Variants in MPHOSPH9 observed in about 807,000 individuals in gnomAD.
MPHOSPH9 encodes the protein M-phase phosphoprotein 9.
A neutral mutation model predicts 145.5 loss-of-function variants in MPHOSPH9; 88 were observed. The observed-to-expected ratio is 0.60, with a 90% CI of 0.51 to 0.72. The LOEUF is 0.72. Ranked by LOEUF, MPHOSPH9 falls within the 30% of genes least tolerant of loss-of-function variation. The pLI is 0.00. For synonymous variants in MPHOSPH9, 435 were observed against 486.2 expected, an observed-to-expected ratio of 0.89 and a Z score of 1.39; for missense variants, 1,238 against 1,386.6, an observed-to-expected ratio of 0.89 and a Z score of 1.70.
In MPHOSPH9 at chr12:123,155,029, CAT is replaced by C. The variant is rs1204562994; in HGVS notation, c.*1776_*1777del. 2.0e-5 allele frequency: 3 copies of C among 149,766 alleles called. No homozygotes were observed. The highest frequency in any genetic ancestry group is 3.0e-5 in the Non-Finnish European group (2 of 67,576). The allele number at this position is 149,766 out of a possible 1,614,324, so 9.3% of individuals were successfully genotyped here. A position where few individuals can be genotyped will look rare whatever the true frequency, so the allele number is the denominator to read the frequency against. On this transcript the variant is annotated 3_prime_UTR_variant, in exon 24 of 24. Transcript: ENST00000606320. ...AAAGATATATACATACACACACACA[CAT>C]AGACATATACACACACACAAAATTA...
intron 9 of MPHOSPH9, 26 bp from the exon 10 acceptor site, chr12:123,203,110 T>C (rs2076387118): frequency 6.2e-7 from 1 of 1,600,518 alleles, no homozygotes; most frequent in Non-Finnish European, 8.5e-7. Flanking sequence ...CAACGAAGTC[T>C]TACCCTCAGA....
chr12:123,231,512 T>C (rs568263878), intron 1 of MPHOSPH9, among the ~76,000 whole-genome samples: 1 of 152,118 alleles, frequency 6.6e-6, no homozygotes, highest in South Asian at 2.1e-4. Context: ...TTTGTCTCTG[T>C]GCAGCTATTC....
At chr12:123,219,886 C>T (rs568783843) in intron 5 of MPHOSPH9, among the ~76,000 whole-genome samples, 1 of 152,032 alleles carries the variant, frequency 6.6e-6, no homozygotes, top group Non-Finnish European at 1.5e-5. Flanking sequence ...TCTTCTTATA[C>T]ATAAAAAACA....
At chr12:123,164,427 G>A (rs941549408) in intron 18 of MPHOSPH9, among the ~76,000 whole-genome samples, 2 of 152,168 alleles carry the variant, frequency 1.3e-5, no homozygotes, top group African/African-American at 2.4e-5. Flanking sequence ...CACTGCTTGG[G>A]AGATGTAACC....
At chr12:123,199,553 G>A (rs1261684363) in intron 11 of MPHOSPH9, among the ~76,000 whole-genome samples, 5 of 152,028 alleles carry the variant, frequency 3.3e-5, no homozygotes, top group African/African-American at 9.7e-5. Flanking sequence ...GGCCGAGGCC[G>A]GTGGATCACA....
intron 8 of MPHOSPH9, among the ~76,000 whole-genome samples, chr12:123,204,255 T>C (rs1024035746): frequency 6.6e-6 from 1 of 151,150 alleles, no homozygotes; most frequent in Non-Finnish European, 1.5e-5. Flanking sequence ...TGAGCCGAGA[T>C]TGCGCCATTG....
In MPHOSPH9 at chr12:123,156,208, A is replaced by C. The variant is rs2043860050; in HGVS notation, c.*599T>G. The C allele has an allele frequency of 6.6e-6, 1 of 152,222 alleles. No homozygotes were observed. The highest frequency in any genetic ancestry group is 2.4e-5 in the African/African-American group (1 of 41,438). The allele number at this position is 152,222 out of a possible 1,614,324, so 9.4% of individuals were successfully genotyped here. A position where few individuals can be genotyped will look rare whatever the true frequency, so the allele number is the denominator to read the frequency against. On this transcript the variant is annotated 3_prime_UTR_variant, in exon 24 of 24. Coordinates refer to ENST00000606320, the MANE Select transcript of MPHOSPH9 (RefSeq NM_022782.4). ...TCTCTTTTTTCTCTTACAGACAATA[A>C]AGTTTAAAGAAAATGAGTTATATTC...
At chr12:123,193,179 G>A (rs1270550994) in intron 13 of MPHOSPH9, among the ~76,000 whole-genome samples, 2 of 149,678 alleles carry the variant, frequency 1.3e-5, no homozygotes, top group Non-Finnish European at 2.9e-5. Flanking sequence ...CAGGAGAAGT[G>A]TCTGTGTTGC....
chr12:123,197,043 T>G (rs899367224), intron 12 of MPHOSPH9, among the ~76,000 whole-genome samples: 13 of 146,706 alleles, frequency 8.9e-5, no homozygotes, highest in African/African-American at 3.2e-4. Flanking sequence ...TTTTTTTTTT[T>G]TTTTTTTTTT....
At chr12:123,194,274 A>C in intron 13 of MPHOSPH9, 112 bp downstream of exon 13, 1 of 738,668 alleles carries the variant, frequency 1.4e-6, no homozygotes. Flanking sequence ...GTCTCAAAAT[A>C]AATCAATAAA....
rs768458797 is a variant in MPHOSPH9 at position 123,161,309 on chromosome 12, C to T, written c.3208G>A (p.Val1070Met). 7 of 1,613,982 alleles carry T rather than the reference C, an allele frequency of 4.3e-6. No individual in the cohort carries two copies. The African/African-American group carries it at 8.0e-5, about 18-fold the overall frequency. The change falls in exon 22 of 24, where the codon GTG (valine) becomes ATG (methionine). Residue 1070 changes from valine to methionine, a missense_variant. Val to Met is a conservative substitution (Grantham distance 21). Transcript: ENST00000606320. ...SSCPEPVPNGVKKVSVRTAWE... is the reference protein window; with the variant it reads ...SSCPEPVPNGMKKVSVRTAWE... ...GCTGTTCTCACAGATACTTTCTTCACTCCATTTGGCACCGGTTCAGGGCAA... is the reference window on the plus strand; with the variant it reads ...GCTGTTCTCACAGATACTTTCTTCATTCCATTTGGCACCGGTTCAGGGCAA...
Position 123,156,838 on chromosome 12 carries a change from A to T in MPHOSPH9, c.3521T>A (p.Phe1174Tyr). The change falls in exon 24 of 24, where the codon TTC (phenylalanine) becomes TAC (tyrosine). Residue 1174 changes from phenylalanine to tyrosine, a missense_variant. Transcript: ENST00000606320. Reference protein sequence around the residue: ...LGSVRMTLKKFHVLRTSANL With the variant: ...LGSVRMTLKKYHVLRTSANL ...ATTTGCAGAGGTGCGCAAAACATGG[A>T]ATTTCTTTAGCGTCATGCGAACTGA... 6.2e-7 allele frequency: 1 copy of T among 1,612,292 alleles called. No individual in the cohort carries two copies. The highest frequency in any genetic ancestry group is 8.5e-7 in the Non-Finnish European group (1 of 1,178,594).
At chr12:123,224,130 A>ATTTT (rs1156810609) in intron 3 of MPHOSPH9, among the ~76,000 whole-genome samples, 2 of 81,036 alleles carry the variant, frequency 2.5e-5, no homozygotes, top group African/African-American at 8.1e-5. Context: ...ATATATACAC[A>ATTTT]TTTTTTTTTT....
At chr12:123,207,613 G>A (rs904543566) in intron 8 of MPHOSPH9, among the ~76,000 whole-genome samples, 1 of 152,072 alleles carries the variant, frequency 6.6e-6, no homozygotes, top group Non-Finnish European at 1.5e-5. Context: ...CAGCACTTTG[G>A]GAGGCCAAGG....
In MPHOSPH9 at chr12:123,227,463, C is replaced by A; in HGVS notation, c.258G>T (p.Glu86Asp). 1 of 1,478,846 alleles carries A rather than the reference C, an allele frequency of 6.8e-7. No homozygotes were observed. 91.6% of individuals were successfully genotyped at this position (1,478,846 alleles called of 1,614,324 possible). A position where few individuals can be genotyped will look rare whatever the true frequency, so the allele number is the denominator to read the frequency against. Residue 86 changes from glutamate to aspartate, a missense_variant and splice_region_variant, in exon 3 of 24, where the codon GAG becomes GAT. Coordinates refer to ENST00000606320, the MANE Select transcript of MPHOSPH9 (RefSeq NM_022782.4). ...CCAAAAATAAAACAAAATTAGATAC[C>A]TCACAGTTTTTCCAAAGTTCCGAAT... ...KTDSELWKNC[E>D]TRWLQLFNLV...
At chr12:123,173,000 CGAGT>C (rs1302747303) in intron 16 of MPHOSPH9, among the ~76,000 whole-genome samples, 3 of 149,778 alleles carry the variant, frequency 2.0e-5, no homozygotes, top group Non-Finnish European at 4.4e-5. Flanking sequence ...CTCAGCCTCC[CGAGT>C]AGCTGGGATT....
intron 8 of MPHOSPH9, among the ~76,000 whole-genome samples, chr12:123,208,087 G>A (rs1378831785): frequency 4.0e-5 from 6 of 148,558 alleles, no homozygotes; most frequent in Non-Finnish European, 7.4e-5. Flanking sequence ...GCATGGTGGC[G>A]CATGCCCATA....
At chr12:123,181,596 G>A (rs970236903) in intron 13 of MPHOSPH9, among the ~76,000 whole-genome samples, 20 of 151,632 alleles carry the variant, frequency 1.3e-4, no homozygotes, top group Non-Finnish European at 2.2e-4. Flanking sequence ...GGTGGCTCAC[G>A]CCTGTAATCC....
chr12:123,154,243 T>C lies in MPHOSPH9; in HGVS notation c.*2564A>G, dbSNP rs570447633. On this transcript the variant is annotated 3_prime_UTR_variant, in exon 24 of 24. Coordinates refer to ENST00000606320, the MANE Select transcript of MPHOSPH9 (RefSeq NM_022782.4). ...TTTTTTTTTTTTTCTTTTTAAACTATTAATACCTGCAGCAAAGCCCCAAGC... is the reference window on the plus strand; with the variant it reads ...TTTTTTTTTTTTTCTTTTTAAACTACTAATACCTGCAGCAAAGCCCCAAGC... 6.6e-5 allele frequency: 10 copies of C among 151,460 alleles called. No homozygotes were observed. Among genetic ancestry groups the C allele is most frequent in the South Asian group, 2.1e-4 (1 of 4,790 alleles). The allele number at this position is 151,460 out of a possible 1,614,324, so 9.4% of individuals were successfully genotyped here. A position where few individuals can be genotyped will look rare whatever the true frequency, so the allele number is the denominator to read the frequency against.
Sources: allele counts gnomAD v4.1 joint callset (sites outside exome capture counted in the v4.1 genomes callset), GRCh38; gene constraint gnomAD v4.1.1; transcripts MANE v1.5; gene names NCBI Gene and HGNC (gene_info 2026-07-23, HGNC 2026-07-21).